Variants in BAIAP2 observed in about 807,000 individuals in gnomAD.
BAIAP2 encodes the protein BAR/IMD domain containing adaptor protein 2.
In BAIAP2, 18 loss-of-function variants were observed where a neutral mutation model predicts 63.0. The ratio of observed to expected loss-of-function variants is 0.29; its 90% CI spans 0.20 to 0.42. The LOEUF is 0.42. Ranked by LOEUF, BAIAP2 falls within the 10% of genes least tolerant of loss-of-function variation. BAIAP2 has a pLI of 1.00. For synonymous variants in BAIAP2, 386 were observed against 307.6 expected (o/e 1.25, Z -2.67); for missense variants, 610 against 734.3 (o/e 0.83, Z 1.96).
intron 3 of BAIAP2, among the ~76,000 whole-genome samples, chr17:81,081,992 G>A (rs550818006): frequency 6.6e-6 from 1 of 152,106 alleles, no homozygotes; most frequent in Non-Finnish European, 1.5e-5. Context: ...GTGTGCCAGG[G>A]CGCGTCTTAG....
intron 3 of BAIAP2, among the ~76,000 whole-genome samples, chr17:81,084,228 A>G (rs955560566): frequency 2.0e-5 from 3 of 152,142 alleles, no homozygotes; most frequent in African/African-American, 7.2e-5. Context: ...TGGTGAGCCT[A>G]TCCCATGGGG....
intron 13 of BAIAP2, among the ~76,000 whole-genome samples, chr17:81,114,606 C>T (rs1056067688): frequency 6.6e-6 from 1 of 152,216 alleles, no homozygotes; most frequent in African/African-American, 2.4e-5. Flanking sequence ...CTTCCGCAGA[C>T]CTGTCAGTCT....
chr17:81,099,859 C>A (rs978216037), intron 6 of BAIAP2, 69 bp from the exon 7 acceptor site: 2 of 1,554,790 alleles, frequency 1.3e-6, no homozygotes, highest in Non-Finnish European at 1.8e-6. Context: ...GTCCGTGGGG[C>A]TGCCCCAAAC....
chr17:81,040,503 G>A (rs192289659), intron 1 of BAIAP2, among the ~76,000 whole-genome samples: 1 of 152,402 alleles, frequency 6.6e-6, no homozygotes, highest in Non-Finnish European at 1.5e-5. Flanking sequence ...GCCGAGAAGG[G>A]ACCCGTTTGG....
At chr17:81,035,756 T>G (rs1432508837) in intron 1 of BAIAP2, among the ~76,000 whole-genome samples, 2 of 151,978 alleles carry the variant, frequency 1.3e-5, no homozygotes, top group Admixed American at 1.3e-4. Flanking sequence ...CAGGACGGCA[T>G]GGGGGCTGTC....
At chr17:81,066,803 T>G (rs554343703) in intron 3 of BAIAP2, among the ~76,000 whole-genome samples, 1 of 152,270 alleles carries the variant, frequency 6.6e-6, no homozygotes, top group South Asian at 2.1e-4. Flanking sequence ...GGCGGCTCCA[T>G]GCACAGTGCA....
At chr17:81,099,723 T>C (rs2058232936) in intron 6 of BAIAP2, among the ~76,000 whole-genome samples, 1 of 151,966 alleles carries the variant, frequency 6.6e-6, no homozygotes, top group East Asian at 1.9e-4. Flanking sequence ...GATGTGGCCA[T>C]CGGGCATCTC....
chr17:81,047,806 CAG>C (rs971079089), intron 1 of BAIAP2, among the ~76,000 whole-genome samples: 11 of 9,338 alleles, frequency 1.2e-3, no homozygotes, highest in Admixed American at 2.9e-3. Context: ...ACAGCACACA[CAG>C]GGGTCCACAT....
intron 3 of BAIAP2, among the ~76,000 whole-genome samples, chr17:81,063,058 C>T (rs531979282): frequency 6.6e-6 from 1 of 152,184 alleles, no homozygotes; most frequent in East Asian, 1.9e-4. Context: ...GGTGTGCAGC[C>T]TCCAGGGCCC....
intron 3 of BAIAP2, among the ~76,000 whole-genome samples, chr17:81,081,992 G>T (rs550818006): frequency 6.6e-6 from 1 of 152,224 alleles, no homozygotes; most frequent in East Asian, 1.9e-4. Flanking sequence ...GTGTGCCAGG[G>T]CGCGTCTTAG....
chr17:81,080,875 G>A (rs1161720031), intron 3 of BAIAP2, among the ~76,000 whole-genome samples: 1 of 152,192 alleles, frequency 6.6e-6, no homozygotes, highest in East Asian at 1.9e-4. Context: ...ATGGGATATG[G>A]CAAGAGCCGT....
chr17:81,088,482 G>A (rs1006411471), intron 6 of BAIAP2, among the ~76,000 whole-genome samples: 2 of 152,236 alleles, frequency 1.3e-5, no homozygotes, highest in Admixed American at 1.3e-4. Flanking sequence ...CACTCAGTCC[G>A]TTTTAGAGCA....
chr17:81,098,093 A>G, intron 6 of BAIAP2: 1 of 1,349,082 alleles, frequency 7.4e-7, no homozygotes, highest in Non-Finnish European at 9.6e-7. Context: ...GGGGTCATGG[A>G]GGGGCCAGCG....
At chr17:81,053,448 T>C (rs1311590345) in intron 1 of BAIAP2, 1 of 582,604 alleles carries the variant, frequency 1.7e-6, no homozygotes, top group Non-Finnish European at 3.1e-6. Context: ...TTACCCCCTT[T>C]GCACAGGTGT....
At chr17:81,108,600 C>T (rs1354655626) in intron 13 of BAIAP2, 91 bp downstream of exon 13, 2 of 1,529,664 alleles carry the variant, frequency 1.3e-6, no homozygotes, top group Admixed American at 3.4e-5. Flanking sequence ...CTGGGGCCAC[C>T]TCTTTTCCTT....
chr17:81,053,169 C>T (rs76044224), intron 1 of BAIAP2, among the ~76,000 whole-genome samples: 13,968 of 152,130 alleles, frequency 0.092, 715 homozygotes, highest in East Asian at 0.21. Flanking sequence ...ATTCATAGCA[C>T]GGCATCTGCA....
At position 81,100,108 on chromosome 17, in the gene BAIAP2, C is replaced by T. The variant is rs201407006; in HGVS notation, c.642+28C>T. On this transcript the variant is annotated intron_variant, in intron 7 of 13. Coordinates refer to ENST00000428708, the MANE Select transcript of BAIAP2 (RefSeq NM_001144888.2). ...GAGGCGGCTGGGGGCTGCGCTGTGC[C>T]GGCGCTGGGCCTTGCTGGCAGAAAT... 312 of 1,588,106 alleles carry T rather than the reference C, an allele frequency of 2.0e-4. No individual in the cohort carries two copies. In the Admixed American group the frequency reaches 3.1e-3, roughly 16 times the overall value.
At chr17:81,061,473 A>C (rs563004451) in intron 3 of BAIAP2, among the ~76,000 whole-genome samples, 1 of 152,154 alleles carries the variant, frequency 6.6e-6, no homozygotes, top group Admixed American at 6.5e-5. Context: ...GCTTTCTGTC[A>C]CTGTAATTTA....
chr17:81,108,694 C>A (rs2059483215), intron 13 of BAIAP2, 185 bp downstream of exon 13: 2 of 861,360 alleles, frequency 2.3e-6, no homozygotes, highest in South Asian at 1.8e-5. Context: ...ACACGGGAAC[C>A]CCCCTGGGCC....
Sources: allele counts gnomAD v4.1 joint callset (sites outside exome capture counted in the v4.1 genomes callset), GRCh38; gene constraint gnomAD v4.1.1; transcripts MANE v1.5; gene names NCBI Gene and HGNC (gene_info 2026-07-23, HGNC 2026-07-21).